CPED1: variants seen among roughly 807,000 people sequenced by gnomAD.
CPED1 encodes cadherin like and PC-esterase domain containing 1, also known as cadherin-like and PC-esterase domain-containing protein 1.
A neutral mutation model predicts 128.2 loss-of-function variants in CPED1; 114 were observed. The observed-to-expected ratio is 0.89, with a 90% confidence interval of 0.76 to 1.04. The LOEUF (loss-of-function observed/expected upper bound fraction) is 1.04. Ranked by LOEUF, CPED1 falls within the 50% of genes least tolerant of loss-of-function variation. CPED1 has a pLI of 0.00. For missense variants in CPED1, 1,211 were observed against 1,207.1 expected (o/e 1.00, Z -0.05); for synonymous variants, 462 against 426.7 (o/e 1.08, Z -1.02).
chr7:121,076,164 G>A (rs1377699848), intron 5 of CPED1, among the ~76,000 whole-genome samples: 2 of 152,178 alleles, frequency 1.3e-5, no homozygotes, highest in African/African-American at 2.4e-5. Context: ...CCAATTATCA[G>A]AGAGTTTTGG....
chr7:121,102,936 C>T (rs1450988950), intron 7 of CPED1, among the ~76,000 whole-genome samples: 2 of 152,046 alleles, frequency 1.3e-5, no homozygotes, highest in Non-Finnish European at 2.9e-5. Flanking sequence ...CTCATTTCAC[C>T]TGGGCTAGTG....
intron 16 of CPED1, among the ~76,000 whole-genome samples, chr7:121,146,795 A>G (rs1382496075): frequency 6.6e-6 from 1 of 152,158 alleles, no homozygotes; most frequent in African/African-American, 2.4e-5. Context: ...ATTGTCCCAG[A>G]GACGGCTCTG....
At chr7:121,030,225 A>G (rs1361002146) in intron 3 of CPED1, among the ~76,000 whole-genome samples, 2 of 152,194 alleles carry the variant, frequency 1.3e-5, no homozygotes, top group African/African-American at 4.8e-5. Context: ...CAAACAGTAC[A>G]TGATAAAAGA....
chr7:121,209,007 G>C (rs748425086), intron 16 of CPED1, among the ~76,000 whole-genome samples: 2 of 152,028 alleles, frequency 1.3e-5, no homozygotes, highest in Non-Finnish European at 2.9e-5. Flanking sequence ...AAAGCTTGCA[G>C]CTAATTCAAG....
At chr7:121,035,479 A>C (rs1433525464) in intron 3 of CPED1, among the ~76,000 whole-genome samples, 1 of 152,190 alleles carries the variant, frequency 6.6e-6, no homozygotes, top group East Asian at 1.9e-4. Context: ...TGTGAGTACC[A>C]GTTGAAGATG....
chr7:121,038,799 T>C (rs977238895), intron 3 of CPED1, among the ~76,000 whole-genome samples: 4 of 152,030 alleles, frequency 2.6e-5, no homozygotes, highest in African/African-American at 9.7e-5. Flanking sequence ...GTCAGCTATT[T>C]TGATGTCCCT....
At position 121,073,807 on chromosome 7, in the gene CPED1, ATT is replaced by A. The variant is rs34082656; in HGVS notation, c.616+9512_616+9513del. ...ATCTTGAAACCCTTCACCTCTTCCC[ATT>A]TTTTTTTTTTTTTTTTTGCCAAATC... On this transcript the variant is annotated intron_variant, in intron 5 of 22. Transcript: ENST00000310396. 8.6e-3 allele frequency among the ~76,000 whole-genome samples: 1,155 copies of A among 134,240 alleles called. 9 individuals carry two copies. The highest frequency in any genetic ancestry group is 0.026 in the African/African-American group (939 of 36,098). The allele number at this position is 134,240 out of a possible 152,430, so 88.1% of individuals were successfully genotyped here. A position where few individuals can be genotyped will look rare whatever the true frequency, so the allele number is the denominator to read the frequency against.
intron 22 of CPED1, among the ~76,000 whole-genome samples, chr7:121,277,576 T>C (rs982488443): frequency 2.6e-5 from 4 of 152,036 alleles, no homozygotes; most frequent in African/African-American, 9.7e-5. Context: ...ACAACCCACC[T>C]CTTCTTTCCC....
chr7:121,154,355 G>A (rs1389142458), intron 16 of CPED1, among the ~76,000 whole-genome samples: 1 of 152,108 alleles, frequency 6.6e-6, no homozygotes, highest in Non-Finnish European at 1.5e-5. Flanking sequence ...GTACAAGTGG[G>A]CATCCTTGTC....
Position 121,212,968 on chromosome 7 carries a change from C to CG in CPED1, c.2056-23739dup, listed in dbSNP as rs554898392. Among the ~76,000 whole-genome samples the CG allele has an allele frequency of 7.5e-4, 114 of 151,698 alleles. 3 individuals carry two copies. The South Asian group carries it at 0.019, about 25-fold the overall frequency. On this transcript the variant is annotated intron_variant, in intron 16 of 22. Coordinates refer to ENST00000310396, the MANE Select transcript of CPED1 (RefSeq NM_024913.5). ...GGAAAGATGCGTTGAGGCTTTTTTC[C>CG]GGGGGGGTGCAGGAGGGGATGCATT...
chr7:121,170,536 TACTC>T (rs1278060415), intron 16 of CPED1, among the ~76,000 whole-genome samples: 1 of 152,206 alleles, frequency 6.6e-6, no homozygotes, highest in Non-Finnish European at 1.5e-5. Flanking sequence ...GAATAATAAG[TACTC>T]AGTAAAAGTT....
At chr7:121,184,193 A>C (rs7787044) in intron 16 of CPED1, among the ~76,000 whole-genome samples, 94,318 of 151,700 alleles carry the variant, frequency 0.62, 29,674 homozygotes, top group East Asian at 0.88. Context: ...AGGAAGGAAG[A>C]AGAACCACAG....
intron 2 of CPED1, among the ~76,000 whole-genome samples, chr7:120,996,631 T>C (rs1422573915): frequency 6.6e-6 from 1 of 152,184 alleles, no homozygotes; most frequent in Non-Finnish European, 1.5e-5. Flanking sequence ...AGCCCTTTAT[T>C]ATACTATTAT....
chr7:121,230,609 A>G (rs777481133), intron 16 of CPED1, among the ~76,000 whole-genome samples: 27 of 152,052 alleles, frequency 1.8e-4, no homozygotes, highest in Non-Finnish European at 2.6e-4. Context: ...AAGTCTCCAC[A>G]AAGTTTTTGG....
chr7:121,188,227 C>A (rs1178923912), intron 16 of CPED1, among the ~76,000 whole-genome samples: 1 of 151,954 alleles, frequency 6.6e-6, no homozygotes, highest in African/African-American at 2.4e-5. Context: ...TACGATTGAC[C>A]ATATGTTGAT....
intron 16 of CPED1, among the ~76,000 whole-genome samples, chr7:121,234,957 C>T (rs1798220435): frequency 6.6e-6 from 1 of 151,936 alleles, no homozygotes; most frequent in Admixed American, 6.6e-5. Context: ...TAGAGTAGAC[C>T]CAGAAGGCTC....
At chr7:121,147,464 A>T (rs932526426) in intron 16 of CPED1, among the ~76,000 whole-genome samples, 1 of 152,166 alleles carries the variant, frequency 6.6e-6, no homozygotes, top group Non-Finnish European at 1.5e-5. Context: ...AGAAAGTAAT[A>T]AACTGTTATT....
At chr7:121,258,483 A>G (rs776799265) in intron 18 of CPED1, among the ~76,000 whole-genome samples, 12 of 152,146 alleles carry the variant, frequency 7.9e-5, no homozygotes, top group Non-Finnish European at 1.6e-4. Flanking sequence ...AAGGCAATCT[A>G]TGAGTCACAT....
intron 18 of CPED1, among the ~76,000 whole-genome samples, chr7:121,256,999 TGTA>T (rs534817433): frequency 1.1e-3 from 166 of 152,088 alleles, no homozygotes; most frequent in African/African-American, 3.7e-3. Flanking sequence ...TTTTCTCACT[TGTA>T]AGTGAGAGCT....
Sources: allele counts gnomAD v4.1 joint callset (sites outside exome capture counted in the v4.1 genomes callset), GRCh38; gene constraint gnomAD v4.1.1; transcripts MANE v1.5; gene names NCBI Gene and HGNC (gene_info 2026-07-23, HGNC 2026-07-21).